The following COX7B2 variants were observed in gnomAD, a reference collection of about 807,000 sequenced individuals.
COX7B2 encodes cytochrome c oxidase subunit 7B2.
For synonymous variants in COX7B2, 37 were observed against 32.1 expected, an observed-to-expected ratio of 1.15 and a Z score of -0.51; for missense variants, 109 against 95.9, an observed-to-expected ratio of 1.14 and a Z score of -0.57.
chr4:46,826,908 A>G (rs1052005004), intron 2 of COX7B2, among the ~76,000 whole-genome samples: 5 of 152,134 alleles, frequency 3.3e-5, no homozygotes, highest in Middle Eastern at 3.4e-3. Context: ...TGGCAACAAT[A>G]AAAAAAGAAT....
chr4:46,831,445 G>C (rs985772241), intron 2 of COX7B2, among the ~76,000 whole-genome samples: 1 of 152,180 alleles, frequency 6.6e-6, no homozygotes, highest in Non-Finnish European at 1.5e-5. Flanking sequence ...CGCATGGCAC[G>C]GGACTGGCAG....
chr4:46,861,873 A>T (rs1168452582), intron 1 of COX7B2, among the ~76,000 whole-genome samples: 1 of 152,082 alleles, frequency 6.6e-6, no homozygotes, highest in African/African-American at 2.4e-5. Context: ...TTCTGAAGAG[A>T]GATCCTGCCA....
intron 1 of COX7B2, among the ~76,000 whole-genome samples, chr4:46,876,466 C>T (rs1405332114): frequency 7.1e-6 from 1 of 140,656 alleles, no homozygotes; most frequent in East Asian, 2.1e-4. Context: ...AGTGCAGTGG[C>T]GCATCTCCGC....
At chr4:46,839,558 G>C (rs1245147964) in intron 2 of COX7B2, among the ~76,000 whole-genome samples, 2 of 151,996 alleles carry the variant, frequency 1.3e-5, no homozygotes, top group African/African-American at 4.8e-5. Flanking sequence ...CAAGGAATTA[G>C]TCCTGTCCAG....
Position 46,792,535 on chromosome 4 carries a change from T to C in COX7B2, c.-50+52425A>G, listed in dbSNP as rs574398176. 3.3e-5 allele frequency among the ~76,000 whole-genome samples: 5 copies of C among 152,212 alleles called. No homozygotes were observed. In the East Asian group the frequency reaches 9.7e-4, roughly 29 times the overall value. ...GACACTCAGACTGAGATATCAGTCTTCTCCTGCCCCGGGACTGAGGCTTAC... is the reference window on the plus strand; with the variant it reads ...GACACTCAGACTGAGATATCAGTCTCCTCCTGCCCCGGGACTGAGGCTTAC... On this transcript the variant is annotated intron_variant, in intron 2 of 2. Coordinates refer to ENST00000355591, the MANE Select transcript of COX7B2 (RefSeq NM_130902.3).
At chr4:46,889,596 G>A (rs1719300142) in intron 1 of COX7B2, among the ~76,000 whole-genome samples, 1 of 152,196 alleles carries the variant, frequency 6.6e-6, no homozygotes, top group Admixed American at 6.5e-5. Flanking sequence ...GGTATGAAAA[G>A]AGGACAAGTA....
chr4:46,736,005 A>G (rs1242421021), intron 2 of COX7B2, among the ~76,000 whole-genome samples: 2 of 152,114 alleles, frequency 1.3e-5, no homozygotes. Context: ...GAATCAATAA[A>G]CCTACATTGA....
intron 2 of COX7B2, among the ~76,000 whole-genome samples, chr4:46,768,950 CAT>C (rs1324381736): frequency 1.3e-5 from 2 of 151,698 alleles, no homozygotes; most frequent in Non-Finnish European, 2.9e-5. Context: ...ATTTGGATAA[CAT>C]AGAAAAAATG....
At chr4:46,900,538 T>A (rs1720019054) in intron 1 of COX7B2, among the ~76,000 whole-genome samples, 1 of 152,126 alleles carries the variant, frequency 6.6e-6, no homozygotes, top group South Asian at 2.1e-4. Context: ...AATCTGTTAC[T>A]GATATGGGGC....
chr4:46,846,610 T>C (rs1371721465), intron 1 of COX7B2, among the ~76,000 whole-genome samples: 1 of 151,878 alleles, frequency 6.6e-6, no homozygotes, highest in Non-Finnish European at 1.5e-5. Context: ...AGAGGGTACC[T>C]GAGCTGCTCA....
chr4:46,894,964 T>C (rs1362761393), intron 1 of COX7B2, among the ~76,000 whole-genome samples: 1 of 152,130 alleles, frequency 6.6e-6, no homozygotes, highest in Non-Finnish European at 1.5e-5. Context: ...TGGCTATTTT[T>C]TTAAAGTTGA....
intron 2 of COX7B2, among the ~76,000 whole-genome samples, chr4:46,751,867 G>C (rs186983579): frequency 6.6e-6 from 1 of 152,122 alleles, no homozygotes; most frequent in East Asian, 1.9e-4. Context: ...CTCCAGCTTT[G>C]TTCTTTTGGC....
At chr4:46,859,388 C>T (rs1717207404) in intron 1 of COX7B2, among the ~76,000 whole-genome samples, 1 of 152,148 alleles carries the variant, frequency 6.6e-6, no homozygotes, top group African/African-American at 2.4e-5. Flanking sequence ...TACCTATTTT[C>T]AAATTCTGAA....
At chr4:46,742,727 A>T (rs2109403846) in intron 2 of COX7B2, among the ~76,000 whole-genome samples, 1 of 152,290 alleles carries the variant, frequency 6.6e-6, no homozygotes. Flanking sequence ...GCCTGGAGGA[A>T]AAATAAGAGA....
intron 1 of COX7B2, among the ~76,000 whole-genome samples, chr4:46,877,630 A>G (rs909811150): frequency 1.3e-5 from 2 of 152,192 alleles, no homozygotes; most frequent in Admixed American, 1.3e-4. Context: ...AAAAGCATCA[A>G]CATCAATAAT....
chr4:46,769,544 G>A (rs988466785), intron 2 of COX7B2, among the ~76,000 whole-genome samples: 11 of 151,942 alleles, frequency 7.2e-5, no homozygotes, highest in Non-Finnish European at 1.2e-4. Context: ...GTGAAACCCC[G>A]TCTCTACTAA....
intron 2 of COX7B2, among the ~76,000 whole-genome samples, chr4:46,805,830 T>C (rs2109644067): frequency 6.6e-6 from 1 of 152,286 alleles, no homozygotes; most frequent in African/African-American, 2.4e-5. Context: ...AAAAGGAACA[T>C]CCATAGACAT....
intron 1 of COX7B2, among the ~76,000 whole-genome samples, chr4:46,870,284 AC>A (rs1449216528): frequency 2.0e-4 from 31 of 151,734 alleles, no homozygotes; most frequent in African/African-American, 6.0e-4. Flanking sequence ...AAATTCAATA[AC>A]CCTTCCTGTT....
intron 2 of COX7B2, among the ~76,000 whole-genome samples, chr4:46,837,314 CAG>C (rs1715584001): frequency 2.1e-5 from 3 of 145,268 alleles, no homozygotes; most frequent in East Asian, 2.1e-4. Flanking sequence ...CACACACACA[CAG>C]AGGAATATGG....
Sources: allele counts gnomAD v4.1 joint callset (sites outside exome capture counted in the v4.1 genomes callset), GRCh38; gene constraint gnomAD v4.1.1; transcripts MANE v1.5; gene names NCBI Gene and HGNC (gene_info 2026-07-23, HGNC 2026-07-21).